The following CARMIL1 variants were observed in gnomAD, a reference collection of about 807,000 sequenced individuals.
CARMIL1 encodes the protein F-actin-uncapping protein LRRC16A.
CARMIL1 carries 90 observed loss-of-function variants against 177.1 expected under a neutral mutation model. The observed-to-expected ratio is 0.51, with a 90% confidence interval of 0.43 to 0.61. The LOEUF (loss-of-function observed/expected upper bound fraction) is 0.61, where lower values mean the gene tolerates loss of function less well. Among genes scored for constraint, CARMIL1 ranks in the 20% least tolerant of loss-of-function variants. CARMIL1 has a pLI of 0.00. For synonymous variants in CARMIL1, 577 were observed against 606.2 expected (o/e 0.95, Z 0.71); for missense variants, 1,380 against 1,667.0 (o/e 0.83, Z 3.00).
intron 4 of CARMIL1, among the ~76,000 whole-genome samples, chr6:25,431,660 C>T (rs981536245): frequency 6.6e-6 from 1 of 152,058 alleles, no homozygotes; most frequent in African/African-American, 2.4e-5. Context: ...TATGATTTCA[C>T]TGTGCTATTT....
At chr6:25,549,145 C>T (rs530138429) in intron 26 of CARMIL1, among the ~76,000 whole-genome samples, 9 of 152,200 alleles carry the variant, frequency 5.9e-5, no homozygotes, top group East Asian at 5.8e-4. Flanking sequence ...TGCAGAGATC[C>T]GCAAAGATTA....
intron 23 of CARMIL1, among the ~76,000 whole-genome samples, chr6:25,524,016 CT>C (rs1021322811): frequency 2.0e-5 from 3 of 150,962 alleles, no homozygotes; most frequent in Non-Finnish European, 4.4e-5. Context: ...GAAAAATTTC[CT>C]TTTTTTTTCT....
chr6:25,319,133 A>C (rs1052309474), intron 2 of CARMIL1, among the ~76,000 whole-genome samples: 24 of 152,254 alleles, frequency 1.6e-4, no homozygotes, highest in Non-Finnish European at 1.9e-4. Flanking sequence ...AAAGGATCCT[A>C]CTCAAGCCTA....
chr6:25,322,749 A>G (rs563688271), intron 2 of CARMIL1, among the ~76,000 whole-genome samples: 94 of 152,320 alleles, frequency 6.2e-4, no homozygotes, highest in African/African-American at 1.5e-3. Flanking sequence ...TGTGATGTGC[A>G]GGTAGCTTAC....
At chr6:25,397,961 A>G (rs9461155) in intron 2 of CARMIL1, among the ~76,000 whole-genome samples, 63,698 of 151,946 alleles carry the variant, frequency 0.42, 13,552 homozygotes, top group Middle Eastern at 0.58. Context: ...GCAGTGAGGG[A>G]AGATACTGAC....
intron 2 of CARMIL1, chr6:25,393,668 G>A (rs774191829): frequency 1.3e-5 from 2 of 151,386 alleles, no homozygotes; most frequent in Admixed American, 6.6e-5. Context: ...GAAGCCAGGA[G>A]TTTGAGACCA....
chr6:25,338,209 A>T (rs948137231), intron 2 of CARMIL1, among the ~76,000 whole-genome samples: 2 of 152,014 alleles, frequency 1.3e-5, no homozygotes, highest in African/African-American at 4.8e-5. Context: ...GTGAGCCGAG[A>T]TTGCACCACT....
At chr6:25,419,990 A>G (rs563131974) in intron 2 of CARMIL1, 124 bp from the exon 3 acceptor site, 5 of 731,566 alleles carry the variant, frequency 6.8e-6, no homozygotes, top group East Asian at 5.0e-5. Flanking sequence ...TTCTTCTTAC[A>G]TGACAGGAGC....
intron 2 of CARMIL1, among the ~76,000 whole-genome samples, chr6:25,315,082 G>A (rs1218374607): frequency 2.6e-5 from 4 of 152,024 alleles, no homozygotes; most frequent in East Asian, 1.9e-4. Flanking sequence ...TGTGTGAAGC[G>A]GGTCCTAATT....
chr6:25,588,730 G>A (rs76950596), intron 31 of CARMIL1, among the ~76,000 whole-genome samples: 2,863 of 152,256 alleles, frequency 0.019, 75 homozygotes, highest in African/African-American at 0.059. Context: ...GCATAGAGGA[G>A]TGGAAAGAAC....
chr6:25,536,445 T>C (rs1376276489), intron 24 of CARMIL1, among the ~76,000 whole-genome samples: 1 of 152,152 alleles, frequency 6.6e-6, no homozygotes, highest in Admixed American at 6.5e-5. Context: ...ATACAACTTC[T>C]TTTTCCTAGG....
At chr6:25,451,986 G>GGGGGGGGGGCCCCC in intron 8 of CARMIL1, 2 of 112,672 alleles carry the variant, frequency 1.8e-5, no homozygotes, top group Non-Finnish European at 1.7e-5. Flanking sequence ...CTAGCATCTT[G>GGGGGGGGGGCCCCC]CCCCCCCCTC....
At chr6:25,583,975 G>A (rs981847624) in intron 31 of CARMIL1, among the ~76,000 whole-genome samples, 1 of 150,610 alleles carries the variant, frequency 6.6e-6, no homozygotes, top group African/African-American at 2.4e-5. Context: ...TAAAACTGGT[G>A]ACTCATGGAA....
At chr6:25,504,519 T>TA (rs1278701497) in intron 17 of CARMIL1, among the ~76,000 whole-genome samples, 1 of 152,202 alleles carries the variant, frequency 6.6e-6, no homozygotes, top group Non-Finnish European at 1.5e-5. Flanking sequence ...GTTGCTTTCT[T>TA]ACAATACAAA....
intron 13 of CARMIL1, among the ~76,000 whole-genome samples, chr6:25,490,110 G>A (rs1012547814): frequency 1.3e-5 from 2 of 152,162 alleles, no homozygotes; most frequent in African/African-American, 4.8e-5. Context: ...GGGGAGAGTG[G>A]GCGGGGAAGG....
chr6:25,460,219 A>G, intron 8 of CARMIL1, among the ~76,000 whole-genome samples: 1 of 152,212 alleles, frequency 6.6e-6, no homozygotes. Flanking sequence ...GTCAAATTAA[A>G]TATTTATTCA....
chr6:25,318,291 G>T (rs57438642), intron 2 of CARMIL1, among the ~76,000 whole-genome samples: 1 of 152,108 alleles, frequency 6.6e-6, no homozygotes, highest in Non-Finnish European at 1.5e-5. Flanking sequence ...GAAAGGAGAA[G>T]GTCGGGAAGG....
At chr6:25,398,875 G>A (rs1484678527) in intron 2 of CARMIL1, among the ~76,000 whole-genome samples, 1 of 152,108 alleles carries the variant, frequency 6.6e-6, no homozygotes, top group Non-Finnish European at 1.5e-5. Context: ...ATAATTGAGG[G>A]TTCAAATTCT....
intron 8 of CARMIL1, among the ~76,000 whole-genome samples, chr6:25,459,210 T>TTTTCTTTCTTTTTCTTTCTTTCTTTC (rs1799797286): frequency 1.2e-5 from 1 of 80,136 alleles, no homozygotes; most frequent in African/African-American, 4.4e-5. Context: ...GATCCCAACT[T>TTTTCTTTCTTTTTCTTTCTTTCTTTC]TTTCTTTCTT....
Sources: allele counts gnomAD v4.1 joint callset (sites outside exome capture counted in the v4.1 genomes callset), GRCh38; gene constraint gnomAD v4.1.1; transcripts MANE v1.5; gene names NCBI Gene and HGNC (gene_info 2026-07-23, HGNC 2026-07-21).